B3GALT1: variants seen among roughly 807,000 people sequenced by gnomAD.
B3GALT1 encodes UDP-Gal:betaGlcNAc beta 1,3-galactosyltransferase, polypeptide 1.
A neutral mutation model predicts 23.2 loss-of-function variants in B3GALT1; 10 were observed. The observed-to-expected ratio is 0.43, with a 90% CI of 0.27 to 0.73. The LOEUF is 0.73. Ranked by LOEUF, B3GALT1 falls within the 30% of genes least tolerant of loss-of-function variation. The probability of loss-of-function intolerance (pLI) is 0.21; values close to 1 mark genes in which losing one functional copy is unlikely to be tolerated. For synonymous variants in B3GALT1, 156 were observed against 141.5 expected (o/e 1.10, Z -0.73); for missense variants, 299 against 405.4 (o/e 0.74, Z 2.25).
At chr2:167,538,726 A>G (rs1683474405) in intron 2 of B3GALT1, among the ~76,000 whole-genome samples, 1 of 152,224 alleles carries the variant, frequency 6.6e-6, no homozygotes, top group Non-Finnish European at 1.5e-5. Context: ...GTATAACTCA[A>G]ATCGTTTAGA....
At chr2:167,558,640 G>A (rs761239532) in intron 2 of B3GALT1, among the ~76,000 whole-genome samples, 95 of 152,278 alleles carry the variant, frequency 6.2e-4, no homozygotes, top group African/African-American at 2.1e-3. Context: ...AGGAAATGGC[G>A]CACCAGGAGA....
At chr2:167,344,618 A>G (rs1697200306) in intron 1 of B3GALT1, among the ~76,000 whole-genome samples, 1 of 152,190 alleles carries the variant, frequency 6.6e-6, no homozygotes, top group Non-Finnish European at 1.5e-5. Context: ...ATAGGCCCTG[A>G]TATTAAGTGA....
At chr2:167,456,047 G>C (rs1260745946) in intron 1 of B3GALT1, among the ~76,000 whole-genome samples, 1 of 152,150 alleles carries the variant, frequency 6.6e-6, no homozygotes, top group African/African-American at 2.4e-5. Context: ...AGTCTGTTCT[G>C]CATTGCTGTA....
intron 3 of B3GALT1, among the ~76,000 whole-genome samples, chr2:167,797,646 T>C (rs1688565994): frequency 6.6e-6 from 1 of 152,172 alleles, no homozygotes; most frequent in Admixed American, 6.5e-5. Context: ...ATCTGTTGTT[T>C]CTTGACTTTT....
At chr2:167,610,960 C>T (rs965736086) in intron 2 of B3GALT1, among the ~76,000 whole-genome samples, 4 of 124,664 alleles carry the variant, frequency 3.2e-5, no homozygotes, top group Non-Finnish European at 6.9e-5. Context: ...ACAACAAGAA[C>T]ACCTGGACAC....
chr2:167,769,746 C>T (rs1418388336), intron 3 of B3GALT1, among the ~76,000 whole-genome samples: 1 of 152,154 alleles, frequency 6.6e-6, no homozygotes, highest in Non-Finnish European at 1.5e-5. Flanking sequence ...TAATCATTAG[C>T]TCCTTTTTAT....
At chr2:167,451,752 C>A (rs1161860539) in intron 1 of B3GALT1, among the ~76,000 whole-genome samples, 1 of 152,198 alleles carries the variant, frequency 6.6e-6, no homozygotes, top group East Asian at 1.9e-4. Context: ...TGCCCTAGAG[C>A]TCCCAACAGC....
At chr2:167,294,421 C>G (rs1300986000) in intron 1 of B3GALT1, among the ~76,000 whole-genome samples, 2 of 152,238 alleles carry the variant, frequency 1.3e-5, no homozygotes, top group Non-Finnish European at 2.9e-5. Flanking sequence ...GAGTTCCACC[C>G]GTGCTGCAAA....
At chr2:167,427,156 T>A (rs6704984) in intron 1 of B3GALT1, among the ~76,000 whole-genome samples, 141,169 of 152,252 alleles carry the variant, frequency 0.93, 66,030 homozygotes, top group Non-Finnish European at 0.99. Flanking sequence ...AACTATTGTT[T>A]AGGTAAGTTA....
intron 4 of B3GALT1, among the ~76,000 whole-genome samples, chr2:167,841,361 C>G (rs1689646336): frequency 6.6e-6 from 1 of 152,152 alleles, no homozygotes; most frequent in African/African-American, 2.4e-5. Context: ...TTCCTCAGAT[C>G]TGACATTTAA....
intron 2 of B3GALT1, among the ~76,000 whole-genome samples, chr2:167,503,254 T>G (rs1478766443): frequency 6.6e-6 from 1 of 152,088 alleles, no homozygotes; most frequent in African/African-American, 2.4e-5. Flanking sequence ...TTACAAGCAG[T>G]GAATATACCT....
At chr2:167,296,774 T>C (rs1574021787) in intron 1 of B3GALT1, among the ~76,000 whole-genome samples, 1 of 152,220 alleles carries the variant, frequency 6.6e-6, no homozygotes, top group Non-Finnish European at 1.5e-5. Context: ...AATGAATACT[T>C]GTATGAGTAA....
chr2:167,545,086 G>A (rs1385491569), intron 2 of B3GALT1, among the ~76,000 whole-genome samples: 2 of 129,360 alleles, frequency 1.5e-5, no homozygotes, highest in Non-Finnish European at 3.1e-5. Context: ...CCAGGCTGGA[G>A]TGCAGTGGCA....
At chr2:167,474,692 G>T (rs111952679) in intron 1 of B3GALT1, among the ~76,000 whole-genome samples, 3 of 152,094 alleles carry the variant, frequency 2.0e-5, no homozygotes. Flanking sequence ...AAGGTGCATC[G>T]CAAGGTGAAA....
chr2:167,426,792 A>G (rs1240806640), intron 1 of B3GALT1, among the ~76,000 whole-genome samples: 1 of 152,014 alleles, frequency 6.6e-6, no homozygotes, highest in African/African-American at 2.4e-5. Flanking sequence ...GGCAAAAACC[A>G]CTCCGCAAAA....
chr2:167,859,768 A>T (rs1690064261), intron 4 of B3GALT1, among the ~76,000 whole-genome samples: 1 of 152,164 alleles, frequency 6.6e-6, no homozygotes, highest in Non-Finnish European at 1.5e-5. Flanking sequence ...ATTCATAATT[A>T]AATTTTTAAA....
intron 1 of B3GALT1, among the ~76,000 whole-genome samples, chr2:167,316,504 T>C (rs1398867621): frequency 6.6e-6 from 1 of 152,132 alleles, no homozygotes; most frequent in East Asian, 1.9e-4. Flanking sequence ...GCATCAGCCA[T>C]GCTGTCACAT....
intron 1 of B3GALT1, among the ~76,000 whole-genome samples, chr2:167,469,056 GACCTCC>G (rs1403212751): frequency 6.6e-6 from 1 of 152,106 alleles, no homozygotes; most frequent in Admixed American, 6.6e-5. Context: ...AAGGTGCAAG[GACCTCC>G]TGTGACGCTA....
At chr2:167,548,018 T>G (rs958286489) in intron 2 of B3GALT1, among the ~76,000 whole-genome samples, 1 of 152,242 alleles carries the variant, frequency 6.6e-6, no homozygotes, top group African/African-American at 2.4e-5. Flanking sequence ...TCTAATCTTT[T>G]AAATGTTAAC....
Sources: allele counts gnomAD v4.1 joint callset (sites outside exome capture counted in the v4.1 genomes callset), GRCh38; gene constraint gnomAD v4.1.1; transcripts MANE v1.5; gene names NCBI Gene and HGNC (gene_info 2026-07-23, HGNC 2026-07-21).